MPRIP: variants seen among roughly 807,000 people sequenced by gnomAD.
MPRIP encodes myosin phosphatase Rho interacting protein.
In MPRIP, 59 loss-of-function variants were observed where a neutral mutation model predicts 234.9. The ratio of observed to expected loss-of-function variants is 0.25; its 90% CI spans 0.20 to 0.31. The LOEUF is 0.31. Ranked by LOEUF, MPRIP falls within the 10% of genes least tolerant of loss-of-function variation. The probability of loss-of-function intolerance (pLI) is 1.00; values close to 1 mark genes in which losing one functional copy is unlikely to be tolerated. For missense variants in MPRIP, 2,436 were observed against 3,071.0 expected (o/e 0.79, Z 4.89); for synonymous variants, 1,144 against 1,263.9 (o/e 0.91, Z 2.01).
At chr17:17,063,902 C>G (rs564414881) in intron 1 of MPRIP, among the ~76,000 whole-genome samples, 1 of 152,348 alleles carries the variant, frequency 6.6e-6, no homozygotes, top group East Asian at 1.9e-4. Context: ...TCCCTTGCCC[C>G]TGGCCACCCG....
At position 17,166,678 on chromosome 17, in the gene MPRIP, G is replaced by A. The variant is rs1218838194; in HGVS notation, c.5087G>A (p.Gly1696Asp). Residue 1696 changes from glycine (G) to aspartate (D), a missense_variant, in exon 16 of 24, where the codon GGC (glycine) becomes GAC (aspartate). Physicochemically the swap from Gly to Asp is moderately conservative, Grantham distance 94. Around this residue, in one of 4 missense-constraint regions of MPRIP, gnomAD observed 1,998 missense variants for 2,520.3 expected, o/e 0.79. Transcript: ENST00000651222. The surrounding 1 kb of genome is among the most constrained non-coding windows in gnomAD (Gnocchi z 4.4). ...RLQSIQETLRGTQTALRQHKC... is the reference protein window; with the variant it reads ...RLQSIQETLRDTQTALRQHKC... ...CAGAGCATCCAGGAGACCCTGCGGGGCACCCAGACGGCCCTGCGGCAGCAC... is the reference window on the plus strand; with the variant it reads ...CAGAGCATCCAGGAGACCCTGCGGGACACCCAGACGGCCCTGCGGCAGCAC... 1.5e-5 allele frequency: 20 copies of A among 1,303,994 alleles called. No individual in the cohort carries two copies. The Admixed American group carries it at 4.6e-4, about 30-fold the overall frequency. 80.8% of individuals were successfully genotyped at this position (1,303,994 alleles called of 1,614,324 possible).
In MPRIP at chr17:17,177,284, T is replaced by C. The variant is rs768582801; in HGVS notation, c.6992T>C (p.Ile2331Thr). The change falls in exon 22 of 24, where the codon ATC (isoleucine) becomes ACC (threonine). Residue 2331 changes from isoleucine to threonine, a missense_variant. Physicochemically the swap from Ile to Thr is moderately conservative, Grantham distance 89. Coordinates refer to ENST00000651222, the MANE Select transcript of MPRIP (RefSeq NM_001364716.4). ...TACGCAAGTGACAAGTACAAAGACA[T>C]CTACACAGAGCTCAGCATCGCGAAG... ...KKYASDKYKD[I>T]YTELSIAKAK... 42 of 1,613,902 alleles carry C rather than the reference T, an allele frequency of 2.6e-5. No individual in the cohort carries two copies. Among genetic ancestry groups the C allele is most frequent in the Non-Finnish European group, 3.4e-5 (40 of 1,180,020 alleles).
intron 6 of MPRIP, 75 bp from the exon 7 acceptor site, chr17:17,137,841 T>C: frequency 7.1e-7 from 1 of 1,406,600 alleles, no homozygotes; most frequent in Non-Finnish European, 9.5e-7. Flanking sequence ...CTACATGGGC[T>C]TTAAAAAAAA....
At chr17:17,116,290 C>G (rs762471400) in intron 3 of MPRIP, among the ~76,000 whole-genome samples, 48 of 152,146 alleles carry the variant, frequency 3.2e-4, no homozygotes, top group Non-Finnish European at 6.5e-4. Context: ...GGACAATGAT[C>G]CAGGAGGGGA....
chr17:17,170,395 G>T (rs80345187), intron 16 of MPRIP, among the ~76,000 whole-genome samples: 20 of 152,206 alleles, frequency 1.3e-4, no homozygotes, highest in Admixed American at 5.9e-4. Context: ...AGGTGGAGCC[G>T]CTGGGAGAGG....
intron 13 of MPRIP, among the ~76,000 whole-genome samples, chr17:17,154,786 C>T (rs924796006): frequency 6.6e-6 from 1 of 152,218 alleles, no homozygotes; most frequent in African/African-American, 2.4e-5. Context: ...GCCCCATGTG[C>T]GGCATCCATA....
intron 12 of MPRIP, 54 bp from the exon 13 acceptor site, chr17:17,154,252 G>T: frequency 6.7e-7 from 1 of 1,502,040 alleles, no homozygotes; most frequent in South Asian, 1.1e-5. Flanking sequence ...GAGATGGAGG[G>T]CAGCAGGCAC....
Position 17,144,440 on chromosome 17 carries a change from C to T in MPRIP, c.1503+771C>T, listed in dbSNP as rs530997520. On this transcript the variant is annotated intron_variant, in intron 9 of 23. Coordinates refer to ENST00000651222, the MANE Select transcript of MPRIP (RefSeq NM_001364716.4). Reference sequence around the variant, plus strand: ...GTTTCTCTGTTAACTTAGCTGGGAGCGCCTTCCCCAACAGAGAACACCAGC... The same window carrying T: ...GTTTCTCTGTTAACTTAGCTGGGAGTGCCTTCCCCAACAGAGAACACCAGC... Among the ~76,000 whole-genome samples, 33 of 152,334 alleles carry T rather than the reference C, an allele frequency of 2.2e-4. No homozygotes were observed. In the South Asian group the frequency reaches 5.8e-3, roughly 27 times the overall value.
chr17:17,049,521 C>T (rs954123791), intron 1 of MPRIP, among the ~76,000 whole-genome samples: 13 of 152,150 alleles, frequency 8.5e-5, no homozygotes, highest in Admixed American at 2.6e-4. Context: ...CAAGGCTTGG[C>T]AATTTTTTTT....
intron 5 of MPRIP, among the ~76,000 whole-genome samples, chr17:17,134,191 T>C (rs1475793255): frequency 6.6e-6 from 1 of 152,274 alleles, no homozygotes; most frequent in Non-Finnish European, 1.5e-5. Flanking sequence ...TTGGTTGCCA[T>C]GCTCCGTGTT....
chr17:17,083,406 A>G (rs528497795), intron 3 of MPRIP, among the ~76,000 whole-genome samples: 1 of 152,262 alleles, frequency 6.6e-6, no homozygotes, highest in Admixed American at 6.5e-5. Flanking sequence ...TTTGCTTCCT[A>G]TAGGAGAGTG....
intron 3 of MPRIP, among the ~76,000 whole-genome samples, chr17:17,094,261 C>A (rs756707843): frequency 6.6e-6 from 1 of 152,298 alleles, no homozygotes. Context: ...TGACCAGGAG[C>A]TGGACTGGCT....
intron 1 of MPRIP, among the ~76,000 whole-genome samples, chr17:17,045,891 C>T (rs959804427): frequency 6.6e-6 from 1 of 150,998 alleles, no homozygotes; most frequent in Non-Finnish European, 1.5e-5. Flanking sequence ...CTGCAAGCTA[C>T]GCCTCCCAGG....
intron 3 of MPRIP, among the ~76,000 whole-genome samples, chr17:17,103,096 T>C (rs1276300035): frequency 6.6e-6 from 1 of 152,186 alleles, no homozygotes; most frequent in Non-Finnish European, 1.5e-5. Flanking sequence ...CTTGTCTCCC[T>C]TGAGGCAGAG....
rs1292835773 is a variant in MPRIP at position 17,173,998 on chromosome 17, G to C, written c.6673G>C (p.Ala2225Pro). The stretch of plus-strand genomic sequence containing the variant: ...GAAGTGCCTGGAGAATGCCCATCTG[G>C]CCCAGGCGCTGGAGGCCGAGCGGCA... Reference protein sequence around the residue: ...SQKCLENAHLAQALEAERQAL... With the variant: ...SQKCLENAHLPQALEAERQAL... The change falls in exon 19 of 24, where the codon GCC (alanine) becomes CCC (proline). Residue 2225 changes from alanine to proline, a missense_variant. Ala to Pro is a conservative substitution (Grantham distance 27). This residue lies in a region of MPRIP where 1,998 missense variants were observed against 2,520.3 expected (regional missense o/e 0.79). Transcript: ENST00000651222. The C allele has an allele frequency of 6.2e-7, 1 of 1,613,750 alleles. No homozygotes were observed. Among genetic ancestry groups the C allele is most frequent in the Admixed American group, 1.7e-5 (1 of 60,026 alleles).
intron 18 of MPRIP, 37 bp downstream of exon 18, chr17:17,172,852 G>T (rs957611443): frequency 6.4e-7 from 1 of 1,567,024 alleles, no homozygotes; most frequent in Non-Finnish European, 8.8e-7. Context: ...CCTTGGGAGG[G>T]CCCCTCTGGG....
At chr17:17,047,531 T>C (rs2088392719) in intron 1 of MPRIP, among the ~76,000 whole-genome samples, 1 of 152,218 alleles carries the variant, frequency 6.6e-6, no homozygotes, top group Non-Finnish European at 1.5e-5. Context: ...GGAAAATAAT[T>C]CTGGTTAAAG....
intron 16 of MPRIP, among the ~76,000 whole-genome samples, chr17:17,169,619 C>T (rs1247504531): frequency 2.0e-5 from 3 of 152,354 alleles, no homozygotes; most frequent in South Asian, 2.1e-4. Flanking sequence ...CCTTAGCTGC[C>T]GTTGCATAGT....
intron 11 of MPRIP, among the ~76,000 whole-genome samples, chr17:17,148,386 C>A (rs1354574602): frequency 6.6e-6 from 1 of 152,008 alleles, no homozygotes; most frequent in Non-Finnish European, 1.5e-5. Flanking sequence ...TGCGTGTGAC[C>A]ATCTGCACTG....
Sources: allele counts gnomAD v4.1 joint callset (sites outside exome capture counted in the v4.1 genomes callset), GRCh38; gene constraint gnomAD v4.1.1; regional missense constraint gnomAD v4.1.1; non-coding constraint Gnocchi (gnomAD v3.1); transcripts MANE v1.5; gene names NCBI Gene and HGNC (gene_info 2026-07-23, HGNC 2026-07-21).